ERO1A: variants seen among roughly 807,000 people sequenced by gnomAD.
ERO1A encodes ERO1-like protein alpha.
A neutral mutation model predicts 76.9 loss-of-function variants in ERO1A; 49 were observed. The observed-to-expected ratio is 0.64, with a 90% confidence interval of 0.51 to 0.81. The LOEUF (loss-of-function observed/expected upper bound fraction) is 0.81, where lower values mean the gene tolerates loss of function less well. ERO1A is among the 30% of genes least tolerant of loss of function. The pLI, the probability that ERO1A is intolerant of heterozygous loss-of-function variation, is 0.00. For synonymous variants in ERO1A, 174 were observed against 181.2 expected, an observed-to-expected ratio of 0.96 and a Z score of 0.32; for missense variants, 448 against 542.1, an observed-to-expected ratio of 0.83 and a Z score of 1.72.
intron 1 of ERO1A, among the ~76,000 whole-genome samples, chr14:52,692,669 T>G (rs2041392189): frequency 2.6e-5 from 4 of 152,210 alleles, no homozygotes; most frequent in Admixed American, 2.6e-4. Context: ...CAATGAACAT[T>G]ATTCACTAAA....
rs7156127 is a variant in ERO1A at position 52,671,485 on chromosome 14, C to T, written c.508+145G>A. On this transcript the variant is annotated intron_variant, in intron 6 of 15. Coordinates refer to ENST00000395686, the MANE Select transcript of ERO1A (RefSeq NM_014584.3). Reference sequence around the variant, plus strand: ...ATGTTGCCCAGTCTGGATTCAAATACCTGGGCTCCAGTGATTCTCCTGCCT... The same window carrying T: ...ATGTTGCCCAGTCTGGATTCAAATATCTGGGCTCCAGTGATTCTCCTGCCT... 3,967 of 560,584 alleles carry T rather than the reference C, an allele frequency of 7.1e-3. 125 individuals carry two copies. The highest frequency in any genetic ancestry group is 0.068 in the African/African-American group (3,525 of 51,964). 34.7% of individuals were successfully genotyped at this position (560,584 alleles called of 1,614,324 possible). A position where few individuals can be genotyped will look rare whatever the true frequency, so the allele number is the denominator to read the frequency against.
chr14:52,669,703 A>G (rs2040533248), intron 6 of ERO1A, among the ~76,000 whole-genome samples: 1 of 145,542 alleles, frequency 6.9e-6, no homozygotes, highest in Admixed American at 6.9e-5. Context: ...TGCTAAACGC[A>G]GGGGGAGAAA....
chr14:52,668,863 A>T (rs1331366694), intron 6 of ERO1A, among the ~76,000 whole-genome samples: 2 of 150,550 alleles, frequency 1.3e-5, no homozygotes, highest in Non-Finnish European at 3.0e-5. Flanking sequence ...TGTGCCAAGA[A>T]TTTTTATGAT....
intron 7 of ERO1A, among the ~76,000 whole-genome samples, chr14:52,664,519 A>C (rs1428283796): frequency 2.0e-5 from 3 of 152,226 alleles, no homozygotes; most frequent in Non-Finnish European, 2.9e-5. Flanking sequence ...TGAGAACAGA[A>C]TATGTAAGCT....
At chr14:52,683,744 T>G (rs1372545170) in intron 2 of ERO1A, 44 bp downstream of exon 2, 2 of 835,026 alleles carry the variant, frequency 2.4e-6, no homozygotes, top group East Asian at 5.9e-5. Context: ...AATCTAATTA[T>G]CCATTTAAAG....
intron 6 of ERO1A, among the ~76,000 whole-genome samples, chr14:52,669,326 T>C (rs978677764): frequency 2.6e-5 from 4 of 152,136 alleles, no homozygotes; most frequent in African/African-American, 9.7e-5. Flanking sequence ...AATATTACCA[T>C]CCTTTTTCTA....
chr14:52,654,472 T>A (rs1052919103), intron 11 of ERO1A, among the ~76,000 whole-genome samples: 1 of 152,182 alleles, frequency 6.6e-6, no homozygotes, highest in African/African-American at 2.4e-5. Context: ...TTTATATGTT[T>A]ATTGAGCCAA....
intron 6 of ERO1A, 63 bp downstream of exon 6, chr14:52,671,567 T>A (rs1317328706): frequency 6.4e-6 from 8 of 1,246,136 alleles, no homozygotes; most frequent in Non-Finnish European, 6.8e-6. Context: ...TTAAAATAAT[T>A]AAAAACTTTT....
intron 8 of ERO1A, among the ~76,000 whole-genome samples, chr14:52,663,478 T>C (rs920525702): frequency 2.0e-5 from 3 of 151,574 alleles, no homozygotes; most frequent in African/African-American, 7.3e-5. Context: ...CGGGCGCCTG[T>C]AGTCCCAGCT....
chr14:52,683,637 ATCACATGCTTCACTC>A, intron 2 of ERO1A, 136 bp downstream of exon 2: 1 of 386,738 alleles, frequency 2.6e-6, no homozygotes, highest in South Asian at 9.0e-5. Context: ...TGGTTTCAGA[ATCACATGCTTCACTC>A]TTATGAACTG....
Position 52,643,430 on chromosome 14 carries a change from A to G in ERO1A, c.*140T>C. The stretch of plus-strand genomic sequence containing the variant: ...CAATTTTTAAAAATGTGTTTACTTA[A>G]AACAATATAATTCTCCTTTACAAAA... On this transcript the variant is annotated 3_prime_UTR_variant, in exon 16 of 16. Transcript: ENST00000395686. 1 of 530,724 alleles carries G rather than the reference A, an allele frequency of 1.9e-6. No homozygotes were observed. The highest frequency in any genetic ancestry group is 3.3e-6 in the Non-Finnish European group (1 of 306,836). The allele number at this position is 530,724 out of a possible 1,614,324, so 32.9% of individuals were successfully genotyped here. A position where few individuals can be genotyped will look rare whatever the true frequency, so the allele number is the denominator to read the frequency against.
chr14:52,655,344 G>A (rs1477300195), intron 11 of ERO1A, among the ~76,000 whole-genome samples: 5 of 151,348 alleles, frequency 3.3e-5, no homozygotes, highest in Admixed American at 2.0e-4. Context: ...CAGCCTGGGC[G>A]ACAGAGCAAG....
chr14:52,647,311 T>C (rs2039705753), intron 13 of ERO1A, among the ~76,000 whole-genome samples: 1 of 151,664 alleles, frequency 6.6e-6, no homozygotes. Flanking sequence ...TTTGGTTTCA[T>C]AATAATTCAA....
intron 13 of ERO1A, among the ~76,000 whole-genome samples, chr14:52,651,414 C>T (rs1228817467): frequency 1.5e-5 from 2 of 132,978 alleles, no homozygotes; most frequent in East Asian, 4.6e-4. Flanking sequence ...ATACGCTACT[C>T]ATGCATTGGA....
chr14:52,679,438 G>A (rs1173873139), intron 3 of ERO1A, among the ~76,000 whole-genome samples: 2 of 149,758 alleles, frequency 1.3e-5, no homozygotes, highest in African/African-American at 4.9e-5. Flanking sequence ...TTTTCAGATA[G>A]GGTCTCACTC....
Position 52,672,010 on chromosome 14 carries a change from T to C in ERO1A, c.358-139A>G, listed in dbSNP as rs1313689236. ...TTATTGCTTTTAATTTTTCATAAAATTGCCCATAATCAGGCCAGGTACGGT... is the reference window on the plus strand; with the variant it reads ...TTATTGCTTTTAATTTTTCATAAAACTGCCCATAATCAGGCCAGGTACGGT... On this transcript the variant is annotated intron_variant, in intron 4 of 15. Coordinates refer to ENST00000395686, the MANE Select transcript of ERO1A (RefSeq NM_014584.3). 7.3e-6 allele frequency: 5 copies of C among 685,436 alleles called. No individual in the cohort carries two copies. In the African/African-American group the frequency reaches 7.3e-5, roughly 10 times the overall value. The allele number at this position is 685,436 out of a possible 1,614,324, so 42.5% of individuals were successfully genotyped here. A position where few individuals can be genotyped will look rare whatever the true frequency, so the allele number is the denominator to read the frequency against.
intron 2 of ERO1A, 27 bp downstream of exon 2, chr14:52,683,761 T>C: frequency 9.9e-7 from 1 of 1,009,462 alleles, no homozygotes; most frequent in Non-Finnish European, 1.4e-6. Flanking sequence ...AAAGTATTCA[T>C]ATATAAAAAA....
At chr14:52,672,068 C>A (rs2040618342) in intron 4 of ERO1A, 197 bp from the exon 5 acceptor site, 2 of 433,428 alleles carry the variant, frequency 4.6e-6, no homozygotes, top group East Asian at 8.3e-5. Flanking sequence ...ACTGTGGGAG[C>A]CCGAGGCAGG....
At position 52,653,381 on chromosome 14, in the gene ERO1A, G is replaced by A. The variant is rs1594821082; in HGVS notation, c.809-66C>T. ...ACAATTTTTACTTTAATTATATTAG[G>A]TTATTCATGCCTATAGAAGTTAATT... On this transcript the variant is annotated intron_variant, in intron 11 of 15. Coordinates refer to ENST00000395686, the MANE Select transcript of ERO1A (RefSeq NM_014584.3). The A allele has an allele frequency of 5.5e-6, 7 of 1,283,436 alleles. No homozygotes were observed. The East Asian group carries it at 1.2e-4, about 22-fold the overall frequency. 79.5% of individuals were successfully genotyped at this position (1,283,436 alleles called of 1,614,324 possible). A position where few individuals can be genotyped will look rare whatever the true frequency, so the allele number is the denominator to read the frequency against.
Sources: allele counts gnomAD v4.1 joint callset (sites outside exome capture counted in the v4.1 genomes callset), GRCh38; gene constraint gnomAD v4.1.1; transcripts MANE v1.5; gene names NCBI Gene and HGNC (gene_info 2026-07-23, HGNC 2026-07-21).